Variants in ESRRG observed in about 807,000 individuals in gnomAD.
ESRRG encodes the protein estrogen-related receptor gamma.
Under a neutral mutation model 44.0 loss-of-function variants are expected in ESRRG, and 13 were observed. That is an observed-to-expected ratio of 0.30 (90% confidence interval 0.19 to 0.47). The LOEUF (loss-of-function observed/expected upper bound fraction) is 0.47. ESRRG is among the 20% of genes least tolerant of loss of function. The probability of loss-of-function intolerance (pLI) is 1.00; values close to 1 mark genes in which losing one functional copy is unlikely to be tolerated. For missense variants in ESRRG, 395 were observed against 580.6 expected (o/e 0.68, Z 3.29); for synonymous variants, 215 against 214.6 (o/e 1.00, Z -0.02).
rs574588001 is a variant in ESRRG, at chr1:216,928,075, A to G, written c.-14+11507T>C. ...TCTAGTTAAAAAGAAGAAAGTCTTG[A>G]CCATGAGGGATTGGAACCTAATGGT... On this transcript the variant is annotated intron_variant, in intron 2 of 7. Transcript: ENST00000359162. 7.6e-4 allele frequency among the ~76,000 whole-genome samples: 116 copies of G among 152,320 alleles called. 1 individual carries two copies. Among genetic ancestry groups the G allele is most frequent in the South Asian group, 2.7e-3 (13 of 4,824 alleles).
chr1:216,997,492 C>T (rs187601149), intron 1 of ESRRG, among the ~76,000 whole-genome samples: 7 of 152,310 alleles, frequency 4.6e-5, no homozygotes, highest in Admixed American at 3.9e-4. Flanking sequence ...GTACATATTG[C>T]AGGAACATGG....
At chr1:217,081,514 G>C (rs925029987) in intron 1 of ESRRG, among the ~76,000 whole-genome samples, 2 of 151,998 alleles carry the variant, frequency 1.3e-5, no homozygotes, top group Non-Finnish European at 2.9e-5. Flanking sequence ...GGTGTGAGCC[G>C]CCGTGCCAGG....
At chr1:216,792,183 G>A (rs1019958094) in intron 2 of ESRRG, among the ~76,000 whole-genome samples, 2 of 152,100 alleles carry the variant, frequency 1.3e-5, no homozygotes, top group Non-Finnish European at 2.9e-5. Flanking sequence ...GAAGCATGTG[G>A]TCAGCCTCAT....
At chr1:216,586,074 A>T (rs573189013) in intron 3 of ESRRG, among the ~76,000 whole-genome samples, 10 of 152,176 alleles carry the variant, frequency 6.6e-5, no homozygotes, top group East Asian at 3.9e-4. Flanking sequence ...GTTATTTTTT[A>T]AAAGTCTTAG....
chr1:216,661,403 T>C (rs1286038159), intron 2 of ESRRG, among the ~76,000 whole-genome samples: 1 of 152,220 alleles, frequency 6.6e-6, no homozygotes, highest in Non-Finnish European at 1.5e-5. Context: ...GCAAGTCTGC[T>C]TATCTGTCTT....
chr1:216,791,267 T>C (rs1374763721), intron 2 of ESRRG, among the ~76,000 whole-genome samples: 1 of 152,008 alleles, frequency 6.6e-6, no homozygotes, highest in Non-Finnish European at 1.5e-5. Context: ...GATCTGATCA[T>C]TTAAAAGTGC....
At chr1:217,000,390 T>TG (rs1275731992) in intron 1 of ESRRG, 2 of 152,350 alleles carry the variant, frequency 1.3e-5, no homozygotes, top group East Asian at 1.9e-4. Flanking sequence ...CCTTGGCTTA[T>TG]GGCAGCATAA....
At chr1:216,906,337 T>C (rs571269395) in intron 2 of ESRRG, among the ~76,000 whole-genome samples, 1 of 152,140 alleles carries the variant, frequency 6.6e-6, no homozygotes, top group East Asian at 1.9e-4. Context: ...CAGCAGAATA[T>C]GCTCCTGAAA....
rs544320311 is a variant in ESRRG, at chr1:217,100,246, A to G, written c.-230+37421T>C. On this transcript the variant is annotated intron_variant, in intron 1 of 8. Coordinates refer to the ESRRG transcript ENST00000366940. The stretch of plus-strand genomic sequence containing the variant: ...TAAGGCTGTACTTTATATGACAAAA[A>G]TACATTTCATTCCCAAGCCAACTTG... Among the ~76,000 whole-genome samples, 13 of 152,342 alleles carry G rather than the reference A, an allele frequency of 8.5e-5. No individual in the cohort carries two copies. The South Asian group carries it at 1.2e-3, about 15-fold the overall frequency.
At chr1:216,792,813 C>T (rs566710454) in intron 2 of ESRRG, among the ~76,000 whole-genome samples, 3 of 152,032 alleles carry the variant, frequency 2.0e-5, no homozygotes, top group Non-Finnish European at 2.9e-5. Context: ...CAGTTGCTTT[C>T]GATGCCATAC....
At chr1:216,748,608 G>T (rs543632100) in intron 2 of ESRRG, among the ~76,000 whole-genome samples, 1 of 152,076 alleles carries the variant, frequency 6.6e-6, no homozygotes, top group Non-Finnish European at 1.5e-5. Flanking sequence ...GTTTGCTCAA[G>T]TTACACAAGT....
At chr1:217,050,334 G>T (rs2085687111) in intron 1 of ESRRG, among the ~76,000 whole-genome samples, 1 of 152,152 alleles carries the variant, frequency 6.6e-6, no homozygotes, top group African/African-American at 2.4e-5. Flanking sequence ...ATAAAATATA[G>T]CCCTTCTCCA....
At chr1:216,774,985 T>G (rs2093546884) in intron 2 of ESRRG, among the ~76,000 whole-genome samples, 1 of 151,502 alleles carries the variant, frequency 6.6e-6, no homozygotes, top group African/African-American at 2.4e-5. Context: ...TTTTTTTAAT[T>G]TTTAGTAGAA....
chr1:216,634,680 CA>C lies in ESRRG; in HGVS notation c.589+16292del, dbSNP rs1272259703. On this transcript the variant is annotated intron_variant, in intron 3 of 6. Transcript: ENST00000408911. ...GCGTCCACCCAGCGAGCAGACTGCC[CA>C]GGGGGGACAGTCTCCACCTCACTGA... Among the ~76,000 whole-genome samples the C allele has an allele frequency of 6.6e-5, 10 of 152,216 alleles. No homozygotes were observed. In the East Asian group the frequency reaches 1.4e-3, roughly 21 times the overall value.
intron 5 of ESRRG, among the ~76,000 whole-genome samples, chr1:216,558,877 T>TG: frequency 6.6e-6 from 1 of 152,104 alleles, no homozygotes; most frequent in African/African-American, 2.4e-5. Flanking sequence ...TTTGTTTTTT[T>TG]GTTTTTTTTG....
intron 2 of ESRRG, among the ~76,000 whole-genome samples, chr1:216,908,565 A>G (rs2059939230): frequency 6.6e-6 from 1 of 152,196 alleles, no homozygotes; most frequent in South Asian, 2.1e-4. Context: ...TCAGCTTGCT[A>G]GGACAGTCTG....
chr1:216,729,027 T>C (rs1448722012), intron 2 of ESRRG, among the ~76,000 whole-genome samples: 3 of 152,198 alleles, frequency 2.0e-5, no homozygotes, highest in Non-Finnish European at 4.4e-5. Flanking sequence ...TTCTGGAACA[T>C]GCCTTGGGTT....
chr1:216,692,946 GA>G (rs1246606751), intron 1 of ESRRG, among the ~76,000 whole-genome samples: 153 of 152,276 alleles, frequency 1.0e-3, no homozygotes, highest in Non-Finnish European at 2.2e-4. Flanking sequence ...TTCACGTAAG[GA>G]AACTGCCTAA....
intron 2 of ESRRG, among the ~76,000 whole-genome samples, chr1:216,739,066 C>T (rs139461937): frequency 0.014 from 2,154 of 152,192 alleles, 15 homozygotes; most frequent in South Asian, 0.033. Context: ...TCAGGGGAGG[C>T]TCCCAGTAGA....
Sources: gnomAD v4.1 joint callset for allele counts (sites outside exome capture counted in the v4.1 genomes callset) on GRCh38, gnomAD v4.1.1 for gene constraint, MANE v1.5 for transcripts, NCBI Gene and HGNC (gene_info 2026-07-23, HGNC 2026-07-21) for gene names.